The following PPP2R2B variants were observed in gnomAD, a reference collection of about 807,000 sequenced individuals.
The protein encoded by PPP2R2B is serine/threonine-protein phosphatase 2A 55 kDa regulatory subunit B beta isoform.
In PPP2R2B, 5 loss-of-function variants were observed where a neutral mutation model predicts 46.0. The observed-to-expected ratio is 0.11, with a 90% confidence interval of 0.06 to 0.23. PPP2R2B has a LOEUF of 0.23. Among genes scored for constraint, PPP2R2B ranks in the 10% least tolerant of loss-of-function variants. PPP2R2B has a pLI of 1.00. For missense variants in PPP2R2B, 367 were observed against 575.0 expected, an observed-to-expected ratio of 0.64 and a Z score of 3.70; for synonymous variants, 215 against 206.7, an observed-to-expected ratio of 1.04 and a Z score of -0.34.
intron 1 of PPP2R2B, among the ~76,000 whole-genome samples, chr5:146,965,068 T>C (rs547366109): frequency 1.7e-3 from 253 of 152,276 alleles, no homozygotes; most frequent in Non-Finnish European, 3.1e-3. Context: ...ACAAACTGTG[T>C]GTTTATATTT....
chr5:146,923,873 T>G lies in PPP2R2B; in HGVS notation c.79+131792A>C, dbSNP rs565907466. On this transcript the variant is annotated intron_variant, in intron 1 of 8. Coordinates refer to the PPP2R2B transcript ENST00000336640. ...AAGAAAATATGGTACATATACACCG[T>G]GGACTACTATGCAGCCACAGGAAAG... 7.2e-4 allele frequency among the ~76,000 whole-genome samples: 110 copies of G among 152,316 alleles called. 4 individuals carry two copies. In the South Asian group the frequency reaches 0.022, roughly 31 times the overall value.
chr5:147,046,280 C>T lies in PPP2R2B; in HGVS notation c.79+9385G>A, dbSNP rs142417263. 2.1e-3 allele frequency among the ~76,000 whole-genome samples: 323 copies of T among 152,280 alleles called. 2 individuals carry two copies. In the South Asian group the frequency reaches 0.03, roughly 14 times the overall value. ...AAAATTTCCCAAAAAGTGACATTCT[C>T]GTGTATCAACAATAAGATCCAGAGC... is the stretch of plus-strand genomic sequence containing the variant. On this transcript the variant is annotated intron_variant, in intron 1 of 8. Coordinates refer to the PPP2R2B transcript ENST00000336640.
chr5:146,831,137 T>C (rs977713566), intron 2 of PPP2R2B, among the ~76,000 whole-genome samples: 1 of 152,184 alleles, frequency 6.6e-6, no homozygotes, highest in Non-Finnish European at 1.5e-5. Context: ...ATGTATACTA[T>C]ACTTTTTATC....
chr5:146,793,440 A>G lies in PPP2R2B; in HGVS notation c.70+84562T>C, dbSNP rs574141082. Reference sequence around the variant, plus strand: ...AAGTCACAAGAGTAGATGAAATAATAAAGGGAGAATTGTACATAACAGTGG... The same window carrying G: ...AAGTCACAAGAGTAGATGAAATAATGAAGGGAGAATTGTACATAACAGTGG... On this transcript the variant is annotated intron_variant, in intron 2 of 9. Transcript: ENST00000394411. Among the ~76,000 whole-genome samples, 10 of 152,358 alleles carry G rather than the reference A, an allele frequency of 6.6e-5. 1 individual carries two copies. In the East Asian group the frequency reaches 1.5e-3, roughly 23 times the overall value.
intron 1 of PPP2R2B, among the ~76,000 whole-genome samples, chr5:147,029,976 G>C (rs1264657212): frequency 1.3e-5 from 2 of 152,160 alleles, no homozygotes; most frequent in Non-Finnish European, 2.9e-5. Context: ...GTGTTGGCTG[G>C]CTTTTTGTGC....
At chr5:146,865,227 A>T (rs180950743) in intron 2 of PPP2R2B, among the ~76,000 whole-genome samples, 18 of 152,224 alleles carry the variant, frequency 1.2e-4, no homozygotes, top group Admixed American at 1.2e-3. Context: ...AAACAAACAA[A>T]CCCTATAGAT....
At chr5:147,030,441 T>C (rs1755728732) in intron 1 of PPP2R2B, among the ~76,000 whole-genome samples, 1 of 152,146 alleles carries the variant, frequency 6.6e-6, no homozygotes, top group South Asian at 2.1e-4. Context: ...TACATGAAGC[T>C]TGCTGAGAGA....
intron 1 of PPP2R2B, among the ~76,000 whole-genome samples, chr5:146,939,323 T>C (rs1764251349): frequency 6.6e-6 from 1 of 152,194 alleles, no homozygotes; most frequent in Admixed American, 6.5e-5. Flanking sequence ...GGGAATGAGA[T>C]CTTTATGATG....
chr5:146,673,697 T>A lies in PPP2R2B; in HGVS notation c.447+17431A>T, dbSNP rs1194984328. ...TACCTGCCATCAGCCCAGAGGCCCC[T>A]CACATGAGACTTAACTGCAGCTTCT... On this transcript the variant is annotated intron_variant, in intron 5 of 9. Coordinates refer to ENST00000394411, the MANE Select transcript of PPP2R2B (RefSeq NM_181675.4). Among the ~76,000 whole-genome samples the A allele has an allele frequency of 4.6e-5, 7 of 152,174 alleles. No homozygotes were observed. The South Asian group carries it at 1.0e-3, about 23-fold the overall frequency.
chr5:146,949,212 A>G (rs1004665295), intron 1 of PPP2R2B, among the ~76,000 whole-genome samples: 1 of 152,098 alleles, frequency 6.6e-6, no homozygotes, highest in Non-Finnish European at 1.5e-5. Context: ...GTGAAGAGAC[A>G]ACCAACATAA....
chr5:146,947,686 T>C (rs1336737680), intron 1 of PPP2R2B, among the ~76,000 whole-genome samples: 1 of 152,078 alleles, frequency 6.6e-6, no homozygotes, highest in African/African-American at 2.4e-5. Context: ...TCAAATCACT[T>C]AGACTTTCTG....
intron 7 of PPP2R2B, among the ~76,000 whole-genome samples, chr5:146,628,143 C>G (rs1774184907): frequency 6.6e-6 from 1 of 152,086 alleles, no homozygotes; most frequent in Non-Finnish European, 1.5e-5. Flanking sequence ...CAGGGTTTCA[C>G]CTTGTTGGCC....
intron 5 of PPP2R2B, among the ~76,000 whole-genome samples, chr5:146,680,143 C>T (rs1464961962): frequency 6.6e-6 from 1 of 150,952 alleles, no homozygotes; most frequent in Non-Finnish European, 1.5e-5. Flanking sequence ...TTGGAACCAA[C>T]CCAAATGTCC....
At chr5:146,821,326 C>A (rs921191399) in intron 2 of PPP2R2B, among the ~76,000 whole-genome samples, 3 of 152,152 alleles carry the variant, frequency 2.0e-5, no homozygotes, top group Non-Finnish European at 4.4e-5. Context: ...TCTTCTGAGA[C>A]CTCCTTTCTT....
chr5:146,616,805 G>A (rs1399897560), intron 7 of PPP2R2B: 1 of 152,182 alleles, frequency 6.6e-6, no homozygotes, highest in Non-Finnish European at 1.5e-5. Flanking sequence ...ATGAATAACA[G>A]TTTCGAGATT....
chr5:146,842,044 C>G (rs1582242781), intron 2 of PPP2R2B, among the ~76,000 whole-genome samples: 1 of 152,198 alleles, frequency 6.6e-6, no homozygotes, highest in Non-Finnish European at 1.5e-5. Context: ...TTCATCCATA[C>G]TCCCTAGCCA....
intron 1 of PPP2R2B, among the ~76,000 whole-genome samples, chr5:146,948,745 C>A (rs759737188): frequency 5.3e-5 from 8 of 152,004 alleles, no homozygotes; most frequent in Admixed American, 3.9e-4. Flanking sequence ...TATGATTGGA[C>A]TTGAGAGTTA....
intron 2 of PPP2R2B, among the ~76,000 whole-genome samples, chr5:146,833,903 A>G (rs1192184561): frequency 6.6e-6 from 1 of 152,190 alleles, no homozygotes; most frequent in Non-Finnish European, 1.5e-5. Flanking sequence ...CTGCAGGGAA[A>G]TTAAAGATAA....
intron 2 of PPP2R2B, among the ~76,000 whole-genome samples, chr5:146,796,336 TA>T (rs1756534502): frequency 6.6e-6 from 1 of 152,282 alleles, no homozygotes; most frequent in South Asian, 2.1e-4. Context: ...GAGCAGAACT[TA>T]AAACCACCCA....
Sources: allele counts gnomAD v4.1 joint callset (sites outside exome capture counted in the v4.1 genomes callset), GRCh38; gene constraint gnomAD v4.1.1; transcripts MANE v1.5; gene names NCBI Gene and HGNC (gene_info 2026-07-23, HGNC 2026-07-21).